Variants in RICTOR observed in about 807,000 individuals in gnomAD.
RICTOR encodes the protein rapamycin-insensitive companion of mTOR.
Under a neutral mutation model 214.9 loss-of-function variants are expected in RICTOR, and 49 were observed. The ratio of observed to expected loss-of-function variants is 0.23; its 90% confidence interval spans 0.18 to 0.29. RICTOR has a LOEUF of 0.29. RICTOR is among the 10% of genes least tolerant of loss of function. RICTOR has a pLI of 1.00. For missense variants in RICTOR, 1,625 were observed against 2,047.0 expected, an observed-to-expected ratio of 0.79 and a Z score of 3.98; for synonymous variants, 717 against 711.3, an observed-to-expected ratio of 1.01 and a Z score of -0.13.
chr5:39,030,863 AT>A lies in RICTOR; in HGVS notation c.98-9728del, dbSNP rs1360937927. Among the ~76,000 whole-genome samples the A allele has an allele frequency of 3.3e-5, 5 of 152,296 alleles. No individual in the cohort carries two copies. The East Asian group carries it at 9.6e-4, about 29-fold the overall frequency. The stretch of plus-strand genomic sequence containing the variant: ...GAAGTATATGTCTGGTCATGTACCA[AT>A]TCCAGTAAGTATTGCTAATTATCCC... On this transcript the variant is annotated intron_variant, in intron 2 of 37. Transcript: ENST00000357387.
rs370291692 is a variant in RICTOR at position 38,967,971 on chromosome 5, C to G, written c.1032G>C (p.Glu344Asp). 1.0e-5 allele frequency: 16 copies of G among 1,601,872 alleles called. No individual in the cohort carries two copies. The African/African-American group carries it at 1.1e-4, about 11-fold the overall frequency. Residue 344 changes from glutamate (E) to aspartate (D), a missense_variant, in exon 12 of 38, where the codon GAG (glutamate) becomes GAC (aspartate). Glu to Asp is a conservative substitution (Grantham distance 45). This residue lies in a region of RICTOR where 258 missense variants were observed against 393.7 expected (regional missense o/e 0.66). Coordinates refer to ENST00000357387, the MANE Select transcript of RICTOR (RefSeq NM_152756.5). ...CACTGAGTAGTGCTTCTATGAACTC[C>G]TCAGTCACAACAGGTAGAGGAAGAC... ...IFRLPLPVVT[E>D]EFIEALLSVD...
In RICTOR at chr5:39,010,430, G is replaced by C. The variant is rs552232938; in HGVS notation, c.196-6808C>G. On this transcript the variant is annotated intron_variant, in intron 3 of 37. Coordinates refer to ENST00000357387, the MANE Select transcript of RICTOR (RefSeq NM_152756.5). ...CAGTAAACTGCTACCACAGAGAGTGGGGCACTGCTGTAAAGATACACGACA... is the reference window on the plus strand; with the variant it reads ...CAGTAAACTGCTACCACAGAGAGTGCGGCACTGCTGTAAAGATACACGACA... 8.5e-5 allele frequency among the ~76,000 whole-genome samples: 13 copies of C among 152,242 alleles called. No individual in the cohort carries two copies. In the South Asian group the frequency reaches 2.5e-3, roughly 29 times the overall value.
chr5:38,955,821 T>C (rs1277036920), intron 25 of RICTOR, 117 bp from the exon 26 acceptor site: 1 of 640,958 alleles, frequency 1.6e-6, no homozygotes, highest in African/African-American at 1.8e-5. Flanking sequence ...GCAAATGTTC[T>C]ATCATATCCA....
chr5:38,950,817 A>G (rs1210192627), intron 30 of RICTOR, 97 bp from the exon 31 acceptor site: 1 of 997,094 alleles, frequency 1.0e-6, no homozygotes, highest in African/African-American at 1.7e-5. Flanking sequence ...TTTTTTAGTC[A>G]TCTAGAGGAA....
At position 38,942,208 on chromosome 5, in the gene RICTOR, C is replaced by G; in HGVS notation, c.*96G>C. 1.4e-6 allele frequency: 1 copy of G among 689,844 alleles called. No individual in the cohort carries two copies. The highest frequency in any genetic ancestry group is 1.9e-5 in the Admixed American group (1 of 51,388). 42.7% of individuals were successfully genotyped at this position (689,844 alleles called of 1,614,324 possible). ...AACAGTGTACAGAAGATACTCCTGT[C>G]TTTGCTGCCTAGTCAGTCGTATTTT... is the stretch of plus-strand genomic sequence containing the variant. On this transcript the variant is annotated 3_prime_UTR_variant, in exon 38 of 38. Coordinates refer to ENST00000357387, the MANE Select transcript of RICTOR (RefSeq NM_152756.5).
At chr5:38,990,821 T>TATGAGATATATGAG in intron 7 of RICTOR, 128 bp downstream of exon 7, 1 of 177,564 alleles carries the variant, frequency 5.6e-6, no homozygotes, top group Non-Finnish European at 9.4e-6. Flanking sequence ...ATATATGAGA[T>TATGAGATATATGAG]ATATGATATA....
At position 39,003,533 on chromosome 5, in the gene RICTOR, G is replaced by A. The variant is rs201588638; in HGVS notation, c.260+25C>T. 57 of 1,477,292 alleles carry A rather than the reference G, an allele frequency of 3.9e-5. No homozygotes were observed. The African/African-American group carries it at 6.1e-4, about 16-fold the overall frequency. The allele number at this position is 1,477,292 out of a possible 1,614,324, so 91.5% of individuals were successfully genotyped here. A position where few individuals can be genotyped will look rare whatever the true frequency, so the allele number is the denominator to read the frequency against. ...AAATTACTAAAATCTGAAAGGGATG[G>A]GAGGGGGGAATGAACCACACTTACC... On this transcript the variant is annotated intron_variant, in intron 4 of 37. Transcript: ENST00000357387.
intron 27 of RICTOR, among the ~76,000 whole-genome samples, chr5:38,954,415 T>C (rs1749060319): frequency 6.6e-6 from 1 of 151,832 alleles, no homozygotes; most frequent in Non-Finnish European, 1.5e-5. Context: ...TCAGTTTAAT[T>C]TCCCAATGAG....
At chr5:38,958,282 AT>A (rs1749482004) in intron 24 of RICTOR, among the ~76,000 whole-genome samples, 160 bp downstream of exon 24, 1 of 152,046 alleles carries the variant, frequency 6.6e-6, no homozygotes, top group Admixed American at 6.6e-5. Flanking sequence ...GACCAAAAAA[AT>A]TAAAAAAAAA....
rs146765449 is a variant in RICTOR at position 38,953,532 on chromosome 5, G to A, written c.2719C>T (p.Arg907Cys). ...EVQNIITELC[R>C]NVRTPDLDKW... The stretch of plus-strand genomic sequence containing the variant: ...TCCAAATCTGGTGTACGAACATTAC[G>A]ACAGAGTTCTGTAATAATATTCTGG... Residue 907 changes from arginine (R) to cysteine (C), a missense_variant, in exon 28 of 38, where the codon CGT becomes TGT. Around this residue, in one of 5 missense-constraint regions of RICTOR, gnomAD observed 1,214 missense variants for 1,470.5 expected, o/e 0.83. Coordinates refer to ENST00000357387, the MANE Select transcript of RICTOR (RefSeq NM_152756.5). 3.0e-3 allele frequency: 4,275 copies of A among 1,410,774 alleles called. 3 individuals carry two copies. The highest frequency in any genetic ancestry group is 3.6e-3 in the Non-Finnish European group (3,849 of 1,058,012). 87.4% of individuals were successfully genotyped at this position (1,410,774 alleles called of 1,614,324 possible).
At chr5:39,070,479 TAA>T (rs76668465) in intron 2 of RICTOR, among the ~76,000 whole-genome samples, 1 of 140,712 alleles carries the variant, frequency 7.1e-6, no homozygotes. Context: ...CCGTCTCAAA[TAA>T]AAAAAAAAAA....
In RICTOR at chr5:38,940,122, A is replaced by G. The variant is rs1747381549; in HGVS notation, c.*2182T>C. On this transcript the variant is annotated 3_prime_UTR_variant, in exon 38 of 38. Coordinates refer to ENST00000357387, the MANE Select transcript of RICTOR (RefSeq NM_152756.5). ...TAAGGTATACATACATATTTTTCAAAGTAACAGTAAAAAAAAAAAACAAAA... is the reference window on the plus strand; with the variant it reads ...TAAGGTATACATACATATTTTTCAAGGTAACAGTAAAAAAAAAAAACAAAA... 1 of 216,568 alleles carries G rather than the reference A, an allele frequency of 4.6e-6. No individual in the cohort carries two copies. Among genetic ancestry groups the G allele is most frequent in the East Asian group, 6.4e-5 (1 of 15,524 alleles). The allele number at this position is 216,568 out of a possible 1,614,324, so 13.4% of individuals were successfully genotyped here.
At chr5:39,040,203 A>G (rs956002858) in intron 2 of RICTOR, among the ~76,000 whole-genome samples, 10 of 151,854 alleles carry the variant, frequency 6.6e-5, no homozygotes, top group Admixed American at 3.9e-4. Context: ...CATTCTCAGC[A>G]AACTATTGCA....
intron 2 of RICTOR, among the ~76,000 whole-genome samples, chr5:39,036,098 T>C (rs1234665176): frequency 6.6e-6 from 1 of 152,202 alleles, no homozygotes; most frequent in Non-Finnish European, 1.5e-5. Flanking sequence ...GGGAAGCCCA[T>C]CAGACTAACA....
intron 15 of RICTOR, among the ~76,000 whole-genome samples, chr5:38,965,502 G>T (rs2150028866): frequency 6.6e-6 from 1 of 151,956 alleles, no homozygotes; most frequent in Non-Finnish European, 1.5e-5. Flanking sequence ...GAAAATTATA[G>T]AATTCTAGGT....
chr5:39,056,769 A>G (rs1320830461), intron 2 of RICTOR, among the ~76,000 whole-genome samples: 1 of 152,200 alleles, frequency 6.6e-6, no homozygotes, highest in African/African-American at 2.4e-5. Flanking sequence ...ACAGTGAGGG[A>G]TTAAGTAATA....
chr5:38,999,857 A>G (rs776117313), intron 5 of RICTOR, among the ~76,000 whole-genome samples: 40 of 152,000 alleles, frequency 2.6e-4, no homozygotes, highest in Non-Finnish European at 3.8e-4. Context: ...TAAAAAAAGA[A>G]AAAAACTATA....
rs143676641 is a variant in RICTOR, at chr5:38,954,846, G to A, written c.2625C>T (p.His875=). 2.4e-5 allele frequency: 38 copies of A among 1,585,566 alleles called. No individual in the cohort carries two copies. Among genetic ancestry groups the A allele is most frequent in the African/African-American group, 1.2e-4 (9 of 74,148 alleles). Residue 875 remains histidine (H), a synonymous_variant, in exon 27 of 38, where the codon CAC becomes CAT. Transcript: ENST00000357387. The part of the protein sequence containing the change: ...RRSNQRLQRP[H]VYLPIHLYGQ... ...CATAAAGGTGTATAGGCAGGTAGACGTGAGGACGCTGTAATCTAGTATAAT... is the reference window on the plus strand; with the variant it reads ...CATAAAGGTGTATAGGCAGGTAGACATGAGGACGCTGTAATCTAGTATAAT...
intron 6 of RICTOR, 119 bp from the exon 7 acceptor site, chr5:38,991,194 T>C: frequency 2.0e-6 from 1 of 510,054 alleles, no homozygotes; most frequent in Non-Finnish European, 3.3e-6. Flanking sequence ...TAGGTATCAA[T>C]TTTAATCTTT....
Sources: gnomAD v4.1 joint callset for allele counts (sites outside exome capture counted in the v4.1 genomes callset) on GRCh38, gnomAD v4.1.1 for gene constraint, gnomAD v4.1.1 regional missense constraint, MANE v1.5 for transcripts, NCBI Gene and HGNC (gene_info 2026-07-23, HGNC 2026-07-21) for gene names.